Variants in TERF1 observed in about 807,000 individuals in gnomAD.
TERF1 encodes telomeric repeat-binding factor 1.
TERF1 carries 20 observed loss-of-function variants against 55.1 expected under a neutral mutation model. The observed-to-expected ratio is 0.36, with a 90% CI of 0.26 to 0.53. The LOEUF is 0.53. Ranked by LOEUF, TERF1 falls within the 20% of genes least tolerant of loss-of-function variation. The pLI is 0.91. For missense variants in TERF1, 439 were observed against 535.7 expected (o/e 0.82, Z 1.78); for synonymous variants, 168 against 181.2 (o/e 0.93, Z 0.59).
At chr8:73,033,484 C>A (rs1427648783) in intron 8 of TERF1, among the ~76,000 whole-genome samples, 1 of 152,138 alleles carries the variant, frequency 6.6e-6, no homozygotes, top group Non-Finnish European at 1.5e-5. Flanking sequence ...AGTCCTAGCA[C>A]TTTGGGACGC....
At chr8:73,037,908 G>T (rs1463397358) in intron 8 of TERF1, among the ~76,000 whole-genome samples, 2 of 102,346 alleles carry the variant, frequency 2.0e-5, no homozygotes, top group African/African-American at 3.5e-5. Context: ...ATATAAATAT[G>T]ATATAATATA....
At position 73,039,999 on chromosome 8, in the gene TERF1, GC is replaced by G. The variant is rs1456752394; in HGVS notation, c.1143+782del. Among the ~76,000 whole-genome samples the G allele has an allele frequency of 9.3e-5, 11 of 118,458 alleles. No individual in the cohort carries two copies. The Admixed American group carries it at 9.5e-4, about 10-fold the overall frequency. 77.7% of individuals were successfully genotyped at this position (118,458 alleles called of 152,430 possible). A position where few individuals can be genotyped will look rare whatever the true frequency, so the allele number is the denominator to read the frequency against. On this transcript the variant is annotated intron_variant, in intron 9 of 9. Coordinates refer to ENST00000276603, the MANE Select transcript of TERF1 (RefSeq NM_017489.3). ...TGGAACCGTTTTCTTACTCGAAGGT[GC>G]CTTTTTTTTTTTTTTTTTGACAAGC...
At chr8:73,039,851 A>G (rs1809761535) in intron 9 of TERF1, among the ~76,000 whole-genome samples, 2 of 145,210 alleles carry the variant, frequency 1.4e-5, no homozygotes, top group Admixed American at 1.4e-4. Context: ...GTGTCTCACA[A>G]TGTTGCCCAG....
At position 73,038,692 on chromosome 8, in the gene TERF1, C is replaced by G. The variant is rs990289856; in HGVS notation, c.1040-424C>G. 8.8e-6 allele frequency: 7 copies of G among 794,326 alleles called. No individual in the cohort carries two copies. The African/African-American group carries it at 1.1e-4, about 13-fold the overall frequency. 49.2% of individuals were successfully genotyped at this position (794,326 alleles called of 1,614,324 possible). A position where few individuals can be genotyped will look rare whatever the true frequency, so the allele number is the denominator to read the frequency against. ...TTATCATTTTTCAGTAATTACAGTT[C>G]TGTTTCTTTTCAGTTACATATATTT... On this transcript the variant is annotated intron_variant, in intron 8 of 9. Coordinates refer to ENST00000276603, the MANE Select transcript of TERF1 (RefSeq NM_017489.3).
intron 1 of TERF1, chr8:73,012,493 C>T (rs1258942294): frequency 6.5e-6 from 1 of 154,928 alleles, no homozygotes; most frequent in Non-Finnish European, 1.4e-5. Context: ...CATGGTGAAA[C>T]CCCGTCTCTA....
intron 9 of TERF1, chr8:73,043,344 C>T (rs1809907006): frequency 6.6e-6 from 1 of 152,106 alleles, no homozygotes; most frequent in East Asian, 1.9e-4. Context: ...GCTAAAGTTA[C>T]TCTTTTTCAA....
intron 2 of TERF1, among the ~76,000 whole-genome samples, chr8:73,019,753 G>A (rs941093090): frequency 6.6e-6 from 1 of 152,060 alleles, no homozygotes; most frequent in African/African-American, 2.4e-5. Flanking sequence ...ATTCCCTCTG[G>A]AATGTTTTTC....
chr8:73,022,041 G>T (rs1011478581), intron 3 of TERF1, among the ~76,000 whole-genome samples, 175 bp from the exon 4 acceptor site: 1 of 152,068 alleles, frequency 6.6e-6, no homozygotes, highest in South Asian at 2.1e-4. Flanking sequence ...CATTTCAAGC[G>T]ACACTTATTT....
intron 2 of TERF1, among the ~76,000 whole-genome samples, chr8:73,015,342 A>G (rs1358866386): frequency 2.3e-5 from 3 of 131,116 alleles, no homozygotes; most frequent in Non-Finnish European, 3.2e-5. Context: ...ATTTTGCTCT[A>G]TAGTGGCACT....
In TERF1 at chr8:73,027,316, G is replaced by A. The variant is rs1809054011; in HGVS notation, c.887+264G>A. Among the ~76,000 whole-genome samples, 3 of 152,176 alleles carry A rather than the reference G, an allele frequency of 2.0e-5. No individual in the cohort carries two copies. In the South Asian group the frequency reaches 6.2e-4, roughly 32 times the overall value. On this transcript the variant is annotated intron_variant, in intron 6 of 9. Transcript: ENST00000276603. ...TCTTGGGGTATGCTTAGGAACAAGGGTGAGGTTGGACTCCTGTGCCCCTTA... is the reference window on the plus strand; with the variant it reads ...TCTTGGGGTATGCTTAGGAACAAGGATGAGGTTGGACTCCTGTGCCCCTTA...
rs188756616 is a variant in TERF1, at chr8:73,009,487, C to G, written c.319+282C>G. 2.2e-4 allele frequency: 86 copies of G among 396,242 alleles called. No homozygotes were observed. In the East Asian group the frequency reaches 3.8e-3, roughly 18 times the overall value. 24.5% of individuals were successfully genotyped at this position (396,242 alleles called of 1,614,324 possible). A position where few individuals can be genotyped will look rare whatever the true frequency, so the allele number is the denominator to read the frequency against. On this transcript the variant is annotated intron_variant, in intron 1 of 9. Transcript: ENST00000276603. ...GAGTTAAAATGTATACAGTTCCACT[C>G]AACCCAGTACCTTTGTCTCTTTTGG...
intron 9 of TERF1, chr8:73,042,819 T>A (rs1809886360): frequency 6.6e-6 from 1 of 152,218 alleles, no homozygotes; most frequent in Non-Finnish European, 1.5e-5. Flanking sequence ...TCTTTGTATC[T>A]TTTCAGGCTA....
In TERF1 at chr8:73,024,860, A is replaced by G. The variant is rs562227284; in HGVS notation, c.663A>G (p.Lys221=). The G allele has an allele frequency of 1.4e-5, 22 of 1,588,266 alleles. No individual in the cohort carries two copies. In the South Asian group the frequency reaches 2.2e-4, roughly 16 times the overall value. The change falls in exon 5 of 10, where the codon AAA becomes AAG. Residue 221 remains lysine (K), a synonymous_variant. Transcript: ENST00000276603. ...AATTGCTTATGATAATCTCTCAGAAAGATACATTTCATTCCTTTTTTCAAC... is the reference window on the plus strand; with the variant it reads ...AATTGCTTATGATAATCTCTCAGAAGGATACATTTCATTCCTTTTTTCAAC... ...KSKLLMIISQ[K]DTFHSFFQHF... is the part of the protein sequence containing the mutation.
chr8:73,039,817 T>C (rs866244648), intron 9 of TERF1, among the ~76,000 whole-genome samples: 2 of 108,042 alleles, frequency 1.9e-5, no homozygotes, highest in Non-Finnish European at 4.1e-5. Flanking sequence ...GTGTGTGTGT[T>C]TCCCCCTTTT....
intron 8 of TERF1, among the ~76,000 whole-genome samples, chr8:73,037,923 A>G (rs1415601982): frequency 7.8e-6 from 1 of 128,508 alleles, no homozygotes; most frequent in Non-Finnish European, 1.6e-5. Context: ...AATATATAAT[A>G]TATATAAATA....
intron 1 of TERF1, chr8:73,009,600 T>A (rs1168425761): frequency 2.9e-5 from 5 of 174,282 alleles, no homozygotes; most frequent in Middle Eastern, 2.5e-3. Context: ...TTATGTTAAT[T>A]TGTGAGCTAT....
intron 8 of TERF1, among the ~76,000 whole-genome samples, chr8:73,032,822 A>G (rs1382669877): frequency 6.6e-6 from 1 of 152,026 alleles, no homozygotes; most frequent in East Asian, 1.9e-4. Flanking sequence ...TCATTTAACA[A>G]ATGTTTATTG....
At chr8:73,035,318 G>T (rs1809465846) in intron 8 of TERF1, among the ~76,000 whole-genome samples, 1 of 151,950 alleles carries the variant, frequency 6.6e-6, no homozygotes, top group Non-Finnish European at 1.5e-5. Flanking sequence ...TTTTTGTAGA[G>T]ACTTTTTTAC....
chr8:73,020,263 C>T (rs1193854066), intron 2 of TERF1, among the ~76,000 whole-genome samples: 1 of 152,076 alleles, frequency 6.6e-6, no homozygotes, highest in Non-Finnish European at 1.5e-5. Context: ...AATAATAGTA[C>T]AACTATTATC....
Sources: gnomAD v4.1 joint callset for allele counts (sites outside exome capture counted in the v4.1 genomes callset) on GRCh38, gnomAD v4.1.1 for gene constraint, MANE v1.5 for transcripts, NCBI Gene and HGNC (gene_info 2026-07-23, HGNC 2026-07-21) for gene names.